The following SOX6 variants were observed in gnomAD, a reference collection of about 807,000 sequenced individuals.
SOX6 encodes transcription factor SOX-6.
SOX6 carries 11 observed loss-of-function variants against 97.8 expected under a neutral mutation model. The ratio of observed to expected loss-of-function variants is 0.11; its 90% CI spans 0.07 to 0.19. The LOEUF is 0.19. SOX6 is among the 10% of genes least tolerant of loss of function. The pLI is 1.00. For missense variants in SOX6, 810 were observed against 1,039.5 expected, an observed-to-expected ratio of 0.78 and a Z score of 3.04; for synonymous variants, 360 against 371.4, an observed-to-expected ratio of 0.97 and a Z score of 0.35.
intron 13 of SOX6, among the ~76,000 whole-genome samples, chr11:15,996,244 G>T (rs1455963607): frequency 2.0e-5 from 3 of 152,126 alleles, no homozygotes; most frequent in Admixed American, 6.6e-5. Context: ...ATTGTTAAAG[G>T]TCGTAATATT....
chr11:16,351,840 A>T (rs1336336331), intron 1 of SOX6, among the ~76,000 whole-genome samples: 1 of 152,092 alleles, frequency 6.6e-6, no homozygotes, highest in Non-Finnish European at 1.5e-5. Context: ...ATAATCTTTT[A>T]AAAATGTATA....
At chr11:16,619,496 C>A (rs529373347) in intron 3 of SOX6, among the ~76,000 whole-genome samples, 1 of 152,030 alleles carries the variant, frequency 6.6e-6, no homozygotes, top group East Asian at 1.9e-4. Flanking sequence ...TCCACGATGT[C>A]TTTCATTTTT....
intron 1 of SOX6, among the ~76,000 whole-genome samples, chr11:16,354,493 G>A (rs1193393092): frequency 1.3e-5 from 2 of 151,920 alleles, no homozygotes; most frequent in Non-Finnish European, 2.9e-5. Context: ...AAAATATATT[G>A]TTACTGTTTC....
intron 4 of SOX6, among the ~76,000 whole-genome samples, chr11:16,546,832 G>A (rs1847626821): frequency 1.3e-5 from 2 of 152,082 alleles, no homozygotes; most frequent in Non-Finnish European, 2.9e-5. Flanking sequence ...ATAACCTGTG[G>A]AATGGGAGAA....
chr11:16,056,786 T>C (rs2133922535), intron 9 of SOX6, among the ~76,000 whole-genome samples: 1 of 152,308 alleles, frequency 6.6e-6, no homozygotes, highest in South Asian at 2.1e-4. Flanking sequence ...GCAGACAATC[T>C]GACATTACAA....
chr11:16,569,837 C>A (rs559467832), intron 4 of SOX6, among the ~76,000 whole-genome samples: 1 of 131,614 alleles, frequency 7.6e-6, no homozygotes, highest in Non-Finnish European at 1.5e-5. Flanking sequence ...CCACTGCACT[C>A]CAGCCTGGGT....
chr11:16,058,899 C>T (rs1847880817), intron 9 of SOX6, among the ~76,000 whole-genome samples: 1 of 152,058 alleles, frequency 6.6e-6, no homozygotes, highest in African/African-American at 2.4e-5. Flanking sequence ...TACCAGGTTG[C>T]ATGACATTAG....
At chr11:16,634,807 T>C (rs1848760278) in intron 3 of SOX6, among the ~76,000 whole-genome samples, 1 of 147,224 alleles carries the variant, frequency 6.8e-6, no homozygotes, top group Non-Finnish European at 1.5e-5. Context: ...AATCCCCATG[T>C]GTCGTGGGAG....
At chr11:16,101,384 A>C (rs557787725) in intron 7 of SOX6, among the ~76,000 whole-genome samples, 11 of 151,670 alleles carry the variant, frequency 7.3e-5, no homozygotes, top group Non-Finnish European at 1.3e-4. Context: ...TATTGTTGAG[A>C]TCACTATGTT....
At chr11:16,087,761 T>G (rs1437895512) in intron 9 of SOX6, among the ~76,000 whole-genome samples, 2 of 152,212 alleles carry the variant, frequency 1.3e-5, no homozygotes, top group Admixed American at 1.3e-4. Context: ...TATTATATAT[T>G]CCTTTCCTTA....
chr11:15,989,230 C>A lies in SOX6; in HGVS notation c.1733G>T (p.Gly578Val). The A allele has an allele frequency of 6.3e-7, 1 of 1,594,888 alleles. No individual in the cohort carries two copies. The highest frequency in any genetic ancestry group is 8.6e-7 in the Non-Finnish European group (1 of 1,166,344). Residue 578 changes from glycine to valine, a missense_variant and splice_region_variant, in exon 14 of 16, where the codon GGA becomes GTA. Gly to Val is a moderately radical substitution (Grantham distance 109). This residue lies in a region of SOX6 where 120 missense variants were observed against 127.0 expected (regional missense o/e 0.94). Transcript: ENST00000683767. ...TGCAGAGCCATTCATTGCTTTACTTCCTGTAATGTCAGGGCAGGAAGAACA... is the reference window on the plus strand; with the variant it reads ...TGCAGAGCCATTCATTGCTTTACTTACTGTAATGTCAGGGCAGGAAGAACA... The part of the protein sequence containing the change: ...IDLTRPEDAE[G>V]SKAMNGSAAK...
intron 4 of SOX6, among the ~76,000 whole-genome samples, chr11:16,207,530 G>C (rs1295259647): frequency 6.6e-6 from 1 of 151,190 alleles, no homozygotes; most frequent in Non-Finnish European, 1.5e-5. Context: ...GGGAGGCAGA[G>C]CTTGCAGTGA....
At chr11:16,687,716 G>A (rs922778393) in intron 3 of SOX6, among the ~76,000 whole-genome samples, 9 of 152,046 alleles carry the variant, frequency 5.9e-5, no homozygotes, top group African/African-American at 2.2e-4. Flanking sequence ...TAATTTTTTA[G>A]AGTCCAGTTC....
chr11:16,289,982 A>AAT (rs1854863490), intron 3 of SOX6, among the ~76,000 whole-genome samples: 1 of 152,058 alleles, frequency 6.6e-6, no homozygotes, highest in Non-Finnish European at 1.5e-5. Flanking sequence ...AAAGTCTTTT[A>AAT]ACAAGCATAA....
intron 6 of SOX6, among the ~76,000 whole-genome samples, chr11:16,156,183 A>G (rs1850591538): frequency 6.6e-6 from 1 of 151,996 alleles, no homozygotes; most frequent in African/African-American, 2.4e-5. Context: ...CATCATTCTG[A>G]GACCTATTGC....
intron 1 of SOX6, among the ~76,000 whole-genome samples, chr11:16,461,339 T>G (rs527846815): frequency 8.5e-5 from 13 of 152,068 alleles, no homozygotes; most frequent in Non-Finnish European, 1.3e-4. Context: ...TCTAATCCAC[T>G]CTACTAACTA....
At chr11:16,155,611 T>G (rs1285461348) in intron 6 of SOX6, among the ~76,000 whole-genome samples, 2 of 152,140 alleles carry the variant, frequency 1.3e-5, no homozygotes, top group African/African-American at 4.8e-5. Context: ...ACATAAGGCA[T>G]GTATTACAGT....
At chr11:16,557,872 C>T (rs1358745658) in intron 4 of SOX6, among the ~76,000 whole-genome samples, 1 of 151,634 alleles carries the variant, frequency 6.6e-6, no homozygotes, top group Admixed American at 6.6e-5. Context: ...TTTGATAAGC[C>T]CTTTTGTTAC....
At chr11:15,996,602 G>A (rs988326971) in intron 13 of SOX6, among the ~76,000 whole-genome samples, 3 of 152,066 alleles carry the variant, frequency 2.0e-5, no homozygotes, top group Non-Finnish European at 1.5e-5. Flanking sequence ...GATGGAACAA[G>A]ACCTTGACTC....
Sources: gnomAD v4.1 joint callset for allele counts (sites outside exome capture counted in the v4.1 genomes callset) on GRCh38, gnomAD v4.1.1 for gene constraint, gnomAD v4.1.1 regional missense constraint, MANE v1.5 for transcripts, NCBI Gene and HGNC (gene_info 2026-07-23, HGNC 2026-07-21) for gene names.